The following PCSK5 variants were observed in gnomAD, a reference collection of about 807,000 sequenced individuals.
PCSK5 encodes prohormone convertase 5.
Under a neutral mutation model 233.2 loss-of-function variants are expected in PCSK5, and 129 were observed. That is an observed-to-expected ratio of 0.55 (90% CI 0.48 to 0.64). PCSK5 has a LOEUF of 0.64. Ranked by LOEUF, PCSK5 falls within the 30% of genes least tolerant of loss-of-function variation. The probability of loss-of-function intolerance (pLI) is 0.00; values close to 1 mark genes in which losing one functional copy is unlikely to be tolerated. For synonymous variants in PCSK5, 825 were observed against 879.2 expected, an observed-to-expected ratio of 0.94 and a Z score of 1.09; for missense variants, 2,076 against 2,430.1, an observed-to-expected ratio of 0.85 and a Z score of 3.06.
At chr9:75,900,603 C>T (rs1289625664) in intron 1 of PCSK5, among the ~76,000 whole-genome samples, 9 of 148,284 alleles carry the variant, frequency 6.1e-5, no homozygotes, top group Non-Finnish European at 8.9e-5. Context: ...TGCTTGAGCC[C>T]GGGAGGCTGA....
intron 10 of PCSK5, among the ~76,000 whole-genome samples, chr9:76,143,588 T>G (rs1236177799): frequency 1.3e-5 from 2 of 152,164 alleles, no homozygotes; most frequent in African/African-American, 4.8e-5. Flanking sequence ...AGTGATCATT[T>G]TGTATTATCT....
rs1475164328 is a variant in PCSK5, at chr9:76,216,267, GT to G, written c.2627-11235del. Among the ~76,000 whole-genome samples the G allele has an allele frequency of 2.6e-5, 4 of 152,256 alleles. No individual in the cohort carries two copies. The East Asian group carries it at 5.8e-4, about 22-fold the overall frequency. On this transcript the variant is annotated intron_variant, in intron 20 of 37. Coordinates refer to ENST00000674117, the MANE Select transcript of PCSK5 (RefSeq NM_001372043.1). ...GCATAGATGGGGTAGAGAGAAGCAT[GT>G]AGAGCCTTGAAAGGAGATATCAAGG...
chr9:75,943,591 T>C lies in PCSK5; in HGVS notation c.297+11108T>C, dbSNP rs1184203486. 3.9e-5 allele frequency among the ~76,000 whole-genome samples: 6 copies of C among 152,270 alleles called. No individual in the cohort carries two copies. In the East Asian group the frequency reaches 9.6e-4, roughly 24 times the overall value. ...TCCAATTATCAATCAGTTCTTACAATACAAAAGGAGGCAATAAGACGCAGT... is the reference window on the plus strand; with the variant it reads ...TCCAATTATCAATCAGTTCTTACAACACAAAAGGAGGCAATAAGACGCAGT... On this transcript the variant is annotated intron_variant, in intron 2 of 37. Coordinates refer to ENST00000674117, the MANE Select transcript of PCSK5 (RefSeq NM_001372043.1).
intron 29 of PCSK5, among the ~76,000 whole-genome samples, chr9:76,309,072 G>C (rs747657315): frequency 4.6e-5 from 7 of 152,036 alleles, no homozygotes; most frequent in African/African-American, 9.7e-5. Flanking sequence ...TTAAAAATTA[G>C]CTGGGCATGG....
rs1587672208 is a variant in PCSK5 at position 76,135,884 on chromosome 9, A to G, written c.1312+1672A>G. 3.3e-5 allele frequency among the ~76,000 whole-genome samples: 5 copies of G among 152,250 alleles called. 1 individual carries two copies. ...CTTATTCCTTTTTGGCAATTTAAAA[A>G]GAGCAAATGGTTCTAACAAAAATGC... On this transcript the variant is annotated intron_variant, in intron 10 of 37. Coordinates refer to ENST00000674117, the MANE Select transcript of PCSK5 (RefSeq NM_001372043.1).
chr9:75,965,251 A>G (rs375632576), intron 2 of PCSK5, among the ~76,000 whole-genome samples: 4 of 93,090 alleles, frequency 4.3e-5, no homozygotes, highest in African/African-American at 1.6e-4. Context: ...ATATATGTGT[A>G]TGTGTGTATA....
At position 76,301,941 on chromosome 9, in the gene PCSK5, G is replaced by A. The variant is rs1334095059; in HGVS notation, c.3524-196G>A. Reference sequence around the variant, plus strand: ...GCAGTGTTCAGGGTCAGTCTTATGTGTACAGAAGCTATAAATGATGACACA... The same window carrying A: ...GCAGTGTTCAGGGTCAGTCTTATGTATACAGAAGCTATAAATGATGACACA... On this transcript the variant is annotated intron_variant, in intron 27 of 37. Coordinates refer to ENST00000674117, the MANE Select transcript of PCSK5 (RefSeq NM_001372043.1). Among the ~76,000 whole-genome samples the A allele has an allele frequency of 3.3e-5, 5 of 151,538 alleles. No individual in the cohort carries two copies. In the South Asian group the frequency reaches 8.4e-4, roughly 25 times the overall value.
At chr9:76,282,749 CA>C (rs377222191) in intron 24 of PCSK5, among the ~76,000 whole-genome samples, 11 of 152,264 alleles carry the variant, frequency 7.2e-5, no homozygotes, top group African/African-American at 2.6e-4. Context: ...GCATAGTACC[CA>C]ATAGGTAGTT....
At chr9:76,171,367 G>T (rs921854637) in intron 13 of PCSK5, among the ~76,000 whole-genome samples, 1 of 152,140 alleles carries the variant, frequency 6.6e-6, no homozygotes, top group Non-Finnish European at 1.5e-5. Context: ...AAGAGACCCC[G>T]GAGAAATAAA....
intron 10 of PCSK5, among the ~76,000 whole-genome samples, chr9:76,135,490 C>T (rs1224706081): frequency 6.6e-6 from 1 of 152,082 alleles, no homozygotes; most frequent in African/African-American, 2.4e-5. Context: ...TATAATGCAG[C>T]AGTGTTCAAT....
intron 33 of PCSK5, among the ~76,000 whole-genome samples, chr9:76,328,901 T>C (rs972942969): frequency 3.3e-5 from 5 of 151,540 alleles, no homozygotes; most frequent in African/African-American, 9.7e-5. Flanking sequence ...CTCTGACTCC[T>C]GGGTTCAAGC....
chr9:75,992,588 CAT>C (rs199519916), intron 3 of PCSK5, among the ~76,000 whole-genome samples: 19 of 146,036 alleles, frequency 1.3e-4, no homozygotes, highest in African/African-American at 3.5e-4. Context: ...CACACACACA[CAT>C]ACACACACAT....
At chr9:76,341,179 T>A (rs577947894) in intron 35 of PCSK5, among the ~76,000 whole-genome samples, 72 of 152,184 alleles carry the variant, frequency 4.7e-4, no homozygotes, top group African/African-American at 1.7e-3. Flanking sequence ...GAGCCATGAT[T>A]GTGCCACTGC....
At chr9:75,895,960 G>A (rs1825784563) in intron 1 of PCSK5, among the ~76,000 whole-genome samples, 1 of 152,166 alleles carries the variant, frequency 6.6e-6, no homozygotes, top group Non-Finnish European at 1.5e-5. Context: ...AGGGGATGTG[G>A]TTAGTCTGAT....
At chr9:76,036,563 A>G (rs971392472) in intron 5 of PCSK5, among the ~76,000 whole-genome samples, 3 of 152,154 alleles carry the variant, frequency 2.0e-5, no homozygotes, top group African/African-American at 7.2e-5. Flanking sequence ...TCCTGTTTCA[A>G]TTAAACAACC....
At chr9:75,942,610 G>T (rs1295770712) in intron 2 of PCSK5, among the ~76,000 whole-genome samples, 1 of 152,160 alleles carries the variant, frequency 6.6e-6, no homozygotes, top group African/African-American at 2.4e-5. Context: ...AAGGTGGAGG[G>T]CTTATTCTTG....
At chr9:75,935,161 G>A (rs1476167608) in intron 2 of PCSK5, among the ~76,000 whole-genome samples, 2 of 152,080 alleles carry the variant, frequency 1.3e-5, no homozygotes, top group Non-Finnish European at 1.5e-5. Context: ...GCTGTCTCCC[G>A]TTTTCAAGCA....
chr9:76,193,663 G>A (rs903253229), intron 20 of PCSK5: 6 of 221,966 alleles, frequency 2.7e-5, no homozygotes, highest in Non-Finnish European at 5.2e-5. Context: ...TGACGTTAAA[G>A]TAATGATTTG....
At chr9:75,952,891 A>G (rs11144696) in intron 2 of PCSK5, among the ~76,000 whole-genome samples, 37,780 of 152,094 alleles carry the variant, frequency 0.25, 5,337 homozygotes, top group East Asian at 0.34. Context: ...GATTTGCACT[A>G]TCCACCTTTT....
Sources: gnomAD v4.1 joint callset for allele counts (sites outside exome capture counted in the v4.1 genomes callset) on GRCh38, gnomAD v4.1.1 for gene constraint, MANE v1.5 for transcripts, NCBI Gene and HGNC (gene_info 2026-07-23, HGNC 2026-07-21) for gene names.